MFSD6: variants seen among roughly 807,000 people sequenced by gnomAD.
MFSD6 encodes major facilitator superfamily domain-containing protein 6.
In MFSD6, 26 loss-of-function variants were observed where a neutral mutation model predicts 56.3. That is an observed-to-expected ratio of 0.46 (90% CI 0.34 to 0.64). MFSD6 has a LOEUF of 0.64. Among genes scored for constraint, MFSD6 ranks in the 30% least tolerant of loss-of-function variants. The pLI is 0.01. For synonymous variants in MFSD6, 331 were observed against 366.9 expected, an observed-to-expected ratio of 0.90 and a Z score of 1.12; for missense variants, 750 against 986.2, an observed-to-expected ratio of 0.76 and a Z score of 3.21.
intron 2 of MFSD6, among the ~76,000 whole-genome samples, chr2:190,430,787 C>A (rs548085398): frequency 9.2e-6 from 1 of 108,914 alleles, no homozygotes; most frequent in African/African-American, 3.3e-5. Flanking sequence ...GGCGGCCGGG[C>A]GGGCAGAGGC....
intron 3 of MFSD6, among the ~76,000 whole-genome samples, chr2:190,466,682 T>C (rs1687622794): frequency 6.6e-6 from 1 of 152,210 alleles, no homozygotes; most frequent in African/African-American, 2.4e-5. Flanking sequence ...ACTTGATATA[T>C]GAGGAAACTG....
Position 190,431,854 on chromosome 2 carries a change from T to G in MFSD6, c.-53-4123T>G, listed in dbSNP as rs1333514287. On this transcript the variant is annotated intron_variant, in intron 2 of 7. Coordinates refer to ENST00000392328, the MANE Select transcript of MFSD6 (RefSeq NM_017694.4). The surrounding 1 kb of genome is among the most constrained non-coding windows in gnomAD (Gnocchi z 4.4). Reference sequence around the variant, plus strand: ...CTATAATACTTATAAATTCCAGAGCTTTTTATTCAAGTATTCCTTTTATCT... The same window carrying G: ...CTATAATACTTATAAATTCCAGAGCGTTTTATTCAAGTATTCCTTTTATCT... 6.6e-6 allele frequency among the ~76,000 whole-genome samples: 1 copy of G among 152,238 alleles called. No individual in the cohort carries two copies. The highest frequency in any genetic ancestry group is 1.5e-5 in the Non-Finnish European group (1 of 68,030).
intron 4 of MFSD6, among the ~76,000 whole-genome samples, chr2:190,483,654 G>A (rs1433266043): frequency 1.3e-5 from 2 of 152,004 alleles, no homozygotes; most frequent in African/African-American, 2.4e-5. Flanking sequence ...GGCCAACATG[G>A]TGAAACCCTG....
At chr2:190,481,215 A>G (rs536223333) in intron 4 of MFSD6, among the ~76,000 whole-genome samples, 1 of 152,364 alleles carries the variant, frequency 6.6e-6, no homozygotes, top group African/African-American at 2.4e-5. Context: ...AGGTATGCCA[A>G]AGGCATAATG....
At chr2:190,460,331 T>A (rs1000026890) in intron 3 of MFSD6, among the ~76,000 whole-genome samples, 1 of 152,242 alleles carries the variant, frequency 6.6e-6, no homozygotes, top group Non-Finnish European at 1.5e-5. Flanking sequence ...GCCTCTTTTT[T>A]AAGTCCATTC....
chr2:190,447,779 G>T lies in MFSD6; in HGVS notation c.1532+10218G>T, dbSNP rs192597458. Among the ~76,000 whole-genome samples, 174 of 152,260 alleles carry T rather than the reference G, an allele frequency of 1.1e-3. No individual in the cohort carries two copies. The highest frequency in any genetic ancestry group is 2.0e-3 in the Non-Finnish European group (139 of 68,022). ...AAATACAGGTTCTCATTATCACATT[G>T]TAAGCTATGGAGTCTCAAAAATTGA... On this transcript the variant is annotated intron_variant, in intron 3 of 7. Transcript: ENST00000392328. The surrounding 1 kb of genome is among the most constrained non-coding windows in gnomAD (Gnocchi z 4.5).
Position 190,417,710 on chromosome 2 carries a change from G to A in MFSD6, c.-54+2297G>A, listed in dbSNP as rs968283192. On this transcript the variant is annotated intron_variant, in intron 2 of 7. Transcript: ENST00000392328. The surrounding 1 kb of genome is among the most constrained non-coding windows in gnomAD (Gnocchi z 5.7). ...TTTAGTCTTGGGATAAATCTTTTAC[G>A]GATCCTCTGCTGCCTTTTCTTTCCT... Among the ~76,000 whole-genome samples the A allele has an allele frequency of 4.6e-5, 7 of 151,826 alleles. No individual in the cohort carries two copies. Among genetic ancestry groups the A allele is most frequent in the African/African-American group, 1.5e-4 (6 of 41,314 alleles).
In MFSD6 at chr2:190,465,191, G is replaced by A. The variant is rs1297597007; in HGVS notation, c.1533-4567G>A. On this transcript the variant is annotated intron_variant, in intron 3 of 7. Coordinates refer to ENST00000392328, the MANE Select transcript of MFSD6 (RefSeq NM_017694.4). This position sits in a 1 kb window ranked among gnomAD's most constrained non-coding sequence, Gnocchi z 4.6. ...TCAAATACAGGATAAAAAACGAGTG[G>A]CAGGTGATTTGGGTTTTCCACAGGG... Among the ~76,000 whole-genome samples, 1 of 152,150 alleles carries A rather than the reference G, an allele frequency of 6.6e-6. No individual in the cohort carries two copies. Among genetic ancestry groups the A allele is most frequent in the Non-Finnish European group, 1.5e-5 (1 of 68,024 alleles).
Position 190,443,339 on chromosome 2 carries a change from G to T in MFSD6, c.1532+5778G>T, listed in dbSNP as rs973147842. 1.3e-5 allele frequency among the ~76,000 whole-genome samples: 2 copies of T among 152,094 alleles called. No individual in the cohort carries two copies. Among genetic ancestry groups the T allele is most frequent in the South Asian group, 4.1e-4 (2 of 4,824 alleles). On this transcript the variant is annotated intron_variant, in intron 3 of 7. Coordinates refer to ENST00000392328, the MANE Select transcript of MFSD6 (RefSeq NM_017694.4). The surrounding 1 kb of genome is among the most constrained non-coding windows in gnomAD (Gnocchi z 4.2). ...TCTCTGTATTGTTATCTATAAATAGGGATATTATTAGTACCTGCTTCTTAG... is the reference window on the plus strand; with the variant it reads ...TCTCTGTATTGTTATCTATAAATAGTGATATTATTAGTACCTGCTTCTTAG...
rs1685722636 is a variant in MFSD6 at position 190,424,275 on chromosome 2, A to G, written c.-54+8862A>G. On this transcript the variant is annotated intron_variant, in intron 2 of 7. Transcript: ENST00000392328. The surrounding 1 kb of genome is among the most constrained non-coding windows in gnomAD (Gnocchi z 5.9). ...TAAATGTTTTATAGTTTCAAATTGT[A>G]TAGTTAATGATCCATTTTGAGTTAA... Among the ~76,000 whole-genome samples, 1 of 149,762 alleles carries G rather than the reference A, an allele frequency of 6.7e-6. No individual in the cohort carries two copies. Among genetic ancestry groups the G allele is most frequent in the Non-Finnish European group, 1.5e-5 (1 of 67,556 alleles).
chr2:190,452,497 T>G (rs931943335), intron 3 of MFSD6, among the ~76,000 whole-genome samples: 1 of 152,150 alleles, frequency 6.6e-6, no homozygotes, highest in Non-Finnish European at 1.5e-5. Context: ...TGTAGAGTGA[T>G]TAAGTTTCCC....
Position 190,497,639 on chromosome 2 carries a change from T to A in MFSD6, c.2092T>A (p.Phe698Ile). Reference protein sequence around the residue: ...WGVSSSPWVTFVYALYQIKEM... With the variant: ...WGVSSSPWVTIVYALYQIKEM... Reference sequence around the variant, plus strand: ...AGTCAGCTCTTCTCCCTGGGTGACCTTTGTCTATGCACTCTACCAAATTAA... The same window carrying A: ...AGTCAGCTCTTCTCCCTGGGTGACCATTGTCTATGCACTCTACCAAATTAA... Residue 698 changes from phenylalanine to isoleucine, a missense_variant, in exon 7 of 8, where the codon TTT becomes ATT. Phe to Ile is a conservative substitution (Grantham distance 21). Transcript: ENST00000392328. The surrounding 1 kb of genome is among the most constrained non-coding windows in gnomAD (Gnocchi z 5.2). 6.2e-7 allele frequency: 1 copy of A among 1,614,164 alleles called. No individual in the cohort carries two copies. The highest frequency in any genetic ancestry group is 8.5e-7 in the Non-Finnish European group (1 of 1,180,010).
At position 190,451,380 on chromosome 2, in the gene MFSD6, T is replaced by C. The variant is rs1244077216; in HGVS notation, c.1532+13819T>C. 6.6e-6 allele frequency among the ~76,000 whole-genome samples: 1 copy of C among 152,222 alleles called. No homozygotes were observed. The highest frequency in any genetic ancestry group is 1.5e-5 in the Non-Finnish European group (1 of 68,042). On this transcript the variant is annotated intron_variant, in intron 3 of 7. Coordinates refer to ENST00000392328, the MANE Select transcript of MFSD6 (RefSeq NM_017694.4). The surrounding 1 kb of genome is among the most constrained non-coding windows in gnomAD (Gnocchi z 5.0). Reference sequence around the variant, plus strand: ...CAACTATGAACAGTAGGTAGTATTGTTACTAATTCATTCCTCCAACAAGTA... The same window carrying C: ...CAACTATGAACAGTAGGTAGTATTGCTACTAATTCATTCCTCCAACAAGTA...
rs142060240 is a variant in MFSD6 at position 190,498,784 on chromosome 2, C to T, written c.2172+1065C>T. ...CAATATTTTCATTACTTTGTGTACT[C>T]ATCCTCATTTTCACAGAAGCCACAT... On this transcript the variant is annotated intron_variant, in intron 7 of 7. Transcript: ENST00000392328. The surrounding 1 kb of genome is among the most constrained non-coding windows in gnomAD (Gnocchi z 5.9). Among the ~76,000 whole-genome samples, 14 of 152,264 alleles carry T rather than the reference C, an allele frequency of 9.2e-5. No homozygotes were observed. In the East Asian group the frequency reaches 2.7e-3, roughly 29 times the overall value.
At position 190,500,023 on chromosome 2, in the gene MFSD6, T is replaced by G; in HGVS notation, c.2181T>G (p.Asn727Lys). The change falls in exon 8 of 8, where the codon AAT (asparagine) becomes AAG (lysine). Residue 727 changes from asparagine (N) to lysine (K), a missense_variant. By Grantham distance (94) the Asn-to-Lys change is moderately conservative (BLOSUM62 0). This residue lies in a region of MFSD6 where 172 missense variants were observed against 203.9 expected (regional missense o/e 0.84). Transcript: ENST00000392328. This position sits in a 1 kb window ranked among gnomAD's most constrained non-coding sequence, Gnocchi z 5.3. Reference sequence around the variant, plus strand: ...CTGTTTTTTACCTCCAGGGGACCAATGAGAATAGGGAAAATTCTCCTGCTG... The same window carrying G: ...CTGTTTTTTACCTCCAGGGGACCAAGGAGAATAGGGAAAATTCTCCTGCTG... ...ASEIQPLQGT[N>K]ENRENSPAGR... 6.2e-7 allele frequency: 1 copy of G among 1,614,168 alleles called. No individual in the cohort carries two copies.
rs1687048512 is a variant in MFSD6, at chr2:190,456,540, C to T, written c.1533-13218C>T. 1.3e-5 allele frequency among the ~76,000 whole-genome samples: 2 copies of T among 152,194 alleles called. No homozygotes were observed. The highest frequency in any genetic ancestry group is 4.8e-5 in the African/African-American group (2 of 41,440). On this transcript the variant is annotated intron_variant, in intron 3 of 7. Transcript: ENST00000392328. The surrounding 1 kb of genome is among the most constrained non-coding windows in gnomAD (Gnocchi z 5.4). ...GGAACTCCCTGGCTGCTCTAGGAAC[C>T]TGCAGGGCTGATGGCATGGCCTAAG...
rs964263019 is a variant in MFSD6, at chr2:190,424,848, T to G, written c.-54+9435T>G. On this transcript the variant is annotated intron_variant, in intron 2 of 7. Coordinates refer to ENST00000392328, the MANE Select transcript of MFSD6 (RefSeq NM_017694.4). The surrounding 1 kb of genome is among the most constrained non-coding windows in gnomAD (Gnocchi z 5.9). ...GTCTTAATGCACAGCTATATGATCT[T>G]TTTCAAAACTGCTTTAGCTATTCGT... Among the ~76,000 whole-genome samples the G allele has an allele frequency of 5.3e-5, 8 of 152,350 alleles. No individual in the cohort carries two copies. The highest frequency in any genetic ancestry group is 1.9e-4 in the African/African-American group (8 of 41,580).
intron 3 of MFSD6, among the ~76,000 whole-genome samples, chr2:190,449,499 G>A (rs1319888647): frequency 6.6e-6 from 1 of 151,974 alleles, no homozygotes; most frequent in Admixed American, 6.6e-5. Flanking sequence ...ATATCAAACT[G>A]TGTCCAACAA....
chr2:190,478,322 T>C (rs1271023377), intron 4 of MFSD6, among the ~76,000 whole-genome samples: 1 of 152,166 alleles, frequency 6.6e-6, no homozygotes, highest in Non-Finnish European at 1.5e-5. Flanking sequence ...TTGTTTCTAA[T>C]GCTGGAGGAG....
Sources: gnomAD v4.1 joint callset for allele counts (sites outside exome capture counted in the v4.1 genomes callset) on GRCh38, gnomAD v4.1.1 for gene constraint, gnomAD v4.1.1 regional missense constraint, Gnocchi (gnomAD v3.1) non-coding constraint, MANE v1.5 for transcripts, NCBI Gene and HGNC (gene_info 2026-07-23, HGNC 2026-07-21) for gene names.